TARBP1: variants seen among roughly 807,000 people sequenced by gnomAD.
TARBP1 encodes tRNA (guanosine(18)-2'-O)-methyltransferase TARBP1.
TARBP1 carries 144 observed loss-of-function variants against 178.6 expected under a neutral mutation model. The observed-to-expected ratio is 0.81, with a 90% confidence interval of 0.70 to 0.93. TARBP1 has a LOEUF of 0.93. Ranked by LOEUF, TARBP1 falls within the 40% of genes least tolerant of loss-of-function variation. The pLI, the probability that TARBP1 is intolerant of heterozygous loss-of-function variation, is 0.00. For synonymous variants in TARBP1, 787 were observed against 781.0 expected (o/e 1.01, Z -0.13); for missense variants, 2,067 against 2,011.7 (o/e 1.03, Z -0.53).
chr1:234,401,390 CTAA>C (rs1410309829), intron 24 of TARBP1, 128 bp from the exon 25 acceptor site: 7 of 650,336 alleles, frequency 1.1e-5, no homozygotes, highest in African/African-American at 1.8e-5. Context: ...GAACTTTATC[CTAA>C]GATTTATACA....
chr1:234,420,683 TATA>T lies in TARBP1; in HGVS notation c.3555+16_3555+18del. On this transcript the variant is annotated intron_variant, in intron 21 of 29. Transcript: ENST00000040877. ...AAATCATATGCTTCAAAGGTACAAA[TATA>T]ATAAAAATATGATACCTGGTCAAGT... 4.6e-6 allele frequency: 7 copies of T among 1,521,934 alleles called. No homozygotes were observed. The highest frequency in any genetic ancestry group is 6.3e-6 in the Non-Finnish European group (7 of 1,106,776). The allele number at this position is 1,521,934 out of a possible 1,614,324, so 94.3% of individuals were successfully genotyped here.
intron 9 of TARBP1, among the ~76,000 whole-genome samples, chr1:234,452,111 C>T (rs190474293): frequency 1.4e-3 from 217 of 152,112 alleles, no homozygotes; most frequent in African/African-American, 4.9e-3. Context: ...TTTTCTTTCC[C>T]TCTATCAAAT....
At chr1:234,403,578 T>TA (rs748420977) in intron 24 of TARBP1, among the ~76,000 whole-genome samples, 1 of 152,244 alleles carries the variant, frequency 6.6e-6, no homozygotes, top group East Asian at 1.9e-4. Context: ...GAGGCTCATC[T>TA]ACCTGGCTAA....
chr1:234,478,979 C>A lies in TARBP1; in HGVS notation c.125G>T (p.Arg42Leu), dbSNP rs754509498. The A allele has an allele frequency of 2.0e-6, 3 of 1,482,264 alleles. No individual in the cohort carries two copies. The highest frequency in any genetic ancestry group is 2.7e-6 in the Non-Finnish European group (3 of 1,126,394). 91.8% of individuals were successfully genotyped at this position (1,482,264 alleles called of 1,614,324 possible). Reference protein sequence around the residue: ...RVETLRFLLQRLEDEEARGSG... With the variant: ...RVETLRFLLQLLEDEEARGSG... ...GCCGCGCGCCTCCTCGTCCTCGAGC[C>A]GCTGCAGAAGGAAGCGCAGCGTCTC... Residue 42 changes from arginine (R) to leucine (L), a missense_variant, in exon 1 of 30, where the codon CGG (arginine) becomes CTG (leucine). By Grantham distance (102) the Arg-to-Leu change is moderately radical. Coordinates refer to ENST00000040877, the MANE Select transcript of TARBP1 (RefSeq NM_005646.4).
At chr1:234,420,212 G>C (rs537755138) in intron 21 of TARBP1, among the ~76,000 whole-genome samples, 5 of 152,246 alleles carry the variant, frequency 3.3e-5, no homozygotes, top group African/African-American at 1.2e-4. Context: ...TAAGATACCT[G>C]GCCTTTCCTT....
At chr1:234,396,588 T>C (rs1244014993) in intron 26 of TARBP1, among the ~76,000 whole-genome samples, 3 of 152,090 alleles carry the variant, frequency 2.0e-5, no homozygotes, top group Non-Finnish European at 4.4e-5. Context: ...CGGTCTCATG[T>C]CTAACACGCA....
chr1:234,400,532 A>G (rs966941420), intron 25 of TARBP1, among the ~76,000 whole-genome samples: 2 of 152,252 alleles, frequency 1.3e-5, no homozygotes, highest in African/African-American at 2.4e-5. Context: ...CCAATAACTT[A>G]TAAGTTCTTC....
chr1:234,459,349 G>A (rs2103257103), intron 7 of TARBP1, 23 bp from the exon 8 acceptor site: 1 of 1,554,274 alleles, frequency 6.4e-7, no homozygotes, highest in East Asian at 2.3e-5. Flanking sequence ...CACAAAAAAT[G>A]CAGTTCCGTA....
In TARBP1 at chr1:234,463,843, T is replaced by C. The variant is rs768615632; in HGVS notation, c.1393A>G (p.Ile465Val). The C allele has an allele frequency of 6.4e-7, 1 of 1,561,984 alleles. No homozygotes were observed. The highest frequency in any genetic ancestry group is 8.7e-7 in the Non-Finnish European group (1 of 1,153,818). ...VTYISLLPEEIKSSFLLKFIR... is the reference protein window; with the variant it reads ...VTYISLLPEEVKSSFLLKFIR... ...ACCCTTTACTGACACATACTCTTTATTTCTTCTGGAAGAAGAGAAATATAA... is the reference window on the plus strand; with the variant it reads ...ACCCTTTACTGACACATACTCTTTACTTCTTCTGGAAGAAGAGAAATATAA... The change falls in exon 6 of 30, where the codon ATA becomes GTA. Residue 465 changes from isoleucine to valine, a missense_variant. Ile to Val is a conservative substitution (Grantham distance 29, BLOSUM62 3). Transcript: ENST00000040877.
chr1:234,443,308 AT>A (rs1665791345), intron 12 of TARBP1, among the ~76,000 whole-genome samples: 1 of 151,458 alleles, frequency 6.6e-6, no homozygotes, highest in Non-Finnish European at 1.5e-5. Flanking sequence ...AAAAAAAAAA[AT>A]TATGGTTTGG....
chr1:234,411,481 G>A (rs1025055673), intron 22 of TARBP1, among the ~76,000 whole-genome samples: 2 of 152,180 alleles, frequency 1.3e-5, no homozygotes, highest in Admixed American at 1.3e-4. Context: ...GGACTGGCCT[G>A]GAGAAGGAGC....
intron 22 of TARBP1, among the ~76,000 whole-genome samples, chr1:234,412,671 A>G: frequency 6.6e-6 from 1 of 152,132 alleles, no homozygotes; most frequent in East Asian, 1.9e-4. Flanking sequence ...TAAAGAAGAC[A>G]CATGAACTGA....
rs536408017 is a variant in TARBP1, at chr1:234,398,577, A to C, written c.4072-24T>G. 3 of 1,510,130 alleles carry C rather than the reference A, an allele frequency of 2.0e-6. No homozygotes were observed. The East Asian group carries it at 7.0e-5, about 35-fold the overall frequency. 93.5% of individuals were successfully genotyped at this position (1,510,130 alleles called of 1,614,324 possible). A position where few individuals can be genotyped will look rare whatever the true frequency, so the allele number is the denominator to read the frequency against. ...GTCTGAAAAGAGAATTATAAAATCTAAATTTCTTCCCTTAAGAATAACAAA... is the reference window on the plus strand; with the variant it reads ...GTCTGAAAAGAGAATTATAAAATCTCAATTTCTTCCCTTAAGAATAACAAA... On this transcript the variant is annotated intron_variant, in intron 25 of 29. Transcript: ENST00000040877.
chr1:234,447,491 C>T lies in TARBP1; in HGVS notation c.1962-516G>A, dbSNP rs1477475641. Among the ~76,000 whole-genome samples the T allele has an allele frequency of 7.5e-5, 11 of 147,366 alleles. No individual in the cohort carries two copies. The Admixed American group carries it at 7.9e-4, about 11-fold the overall frequency. Reference sequence around the variant, plus strand: ...CTCACTGTGGGCTCAACCTCCCAGGCTCAAGCGATCTTCCCACATCAGCCT... The same window carrying T: ...CTCACTGTGGGCTCAACCTCCCAGGTTCAAGCGATCTTCCCACATCAGCCT... On this transcript the variant is annotated intron_variant, in intron 11 of 29. Coordinates refer to ENST00000040877, the MANE Select transcript of TARBP1 (RefSeq NM_005646.4).
At chr1:234,416,715 G>T (rs1252318678) in intron 22 of TARBP1, among the ~76,000 whole-genome samples, 2 of 152,142 alleles carry the variant, frequency 1.3e-5, no homozygotes, top group Non-Finnish European at 2.9e-5. Flanking sequence ...TGCTGCTTAT[G>T]GTGACACCCA....
chr1:234,392,395 T>G (rs373162240), intron 29 of TARBP1, 21 bp downstream of exon 29: 11 of 1,611,642 alleles, frequency 6.8e-6, no homozygotes, highest in African/African-American at 4.0e-5. Context: ...GAATATACTA[T>G]GGACACAAGA....
At chr1:234,466,440 A>C (rs933431033) in intron 4 of TARBP1, among the ~76,000 whole-genome samples, 1 of 152,196 alleles carries the variant, frequency 6.6e-6, no homozygotes, top group Non-Finnish European at 1.5e-5. Context: ...TAAATCTGGG[A>C]GGCAGAGGTT....
At chr1:234,450,687 G>C in intron 9 of TARBP1, 121 bp from the exon 10 acceptor site, 1 of 1,109,436 alleles carries the variant, frequency 9.0e-7, no homozygotes, top group Non-Finnish European at 1.3e-6. Flanking sequence ...CGAATACAAA[G>C]TAATAAACCA....
chr1:234,443,038 C>A (rs993321786), intron 12 of TARBP1, among the ~76,000 whole-genome samples: 12 of 152,230 alleles, frequency 7.9e-5, no homozygotes, highest in African/African-American at 2.9e-4. Flanking sequence ...TGCCTGTAAT[C>A]CTAGCACTTT....
Sources: gnomAD v4.1 joint callset for allele counts (sites outside exome capture counted in the v4.1 genomes callset) on GRCh38, gnomAD v4.1.1 for gene constraint, MANE v1.5 for transcripts, NCBI Gene and HGNC (gene_info 2026-07-23, HGNC 2026-07-21) for gene names.